GKAP1: variants seen among roughly 807,000 people sequenced by gnomAD.
The protein encoded by GKAP1 is G kinase-anchoring protein 1.
Under a neutral mutation model 56.7 loss-of-function variants are expected in GKAP1, and 31 were observed. The ratio of observed to expected loss-of-function variants is 0.55; its 90% CI spans 0.41 to 0.74. GKAP1 has a LOEUF of 0.74. Ranked by LOEUF, GKAP1 falls within the 30% of genes least tolerant of loss-of-function variation. The probability of loss-of-function intolerance (pLI) is 0.00; values close to 1 mark genes in which losing one functional copy is unlikely to be tolerated. For missense variants in GKAP1, 364 were observed against 402.3 expected (o/e 0.90, Z 0.82); for synonymous variants, 151 against 138.6 (o/e 1.09, Z -0.63).
chr9:83,778,675 C>T (rs182840975), intron 7 of GKAP1, among the ~76,000 whole-genome samples: 67 of 151,994 alleles, frequency 4.4e-4, no homozygotes, highest in African/African-American at 1.6e-3. Context: ...TAAACCTACA[C>T]ATGTACCCCT....
intron 5 of GKAP1, among the ~76,000 whole-genome samples, chr9:83,786,476 G>C (rs558842742): frequency 6.6e-6 from 1 of 152,064 alleles, no homozygotes; most frequent in South Asian, 2.1e-4. Context: ...GGGAGGCGGG[G>C]GTTGTGGTGA....
At position 83,739,762 on chromosome 9, in the gene GKAP1, A is replaced by AG; in HGVS notation, c.1054-19_1054-18insC. ...CTGCCACCCTGTAAAAAAAAAAAAA[A>AG]ATAGGGAAAATTATTTACAACATAC... On this transcript the variant is annotated intron_variant, in intron 12 of 12. Transcript: ENST00000376371. 6.3e-7 allele frequency: 1 copy of AG among 1,584,262 alleles called. No homozygotes were observed. Among genetic ancestry groups the AG allele is most frequent in the Admixed American group, 1.7e-5 (1 of 58,780 alleles).
chr9:83,770,759 C>T (rs1014679077), intron 7 of GKAP1, among the ~76,000 whole-genome samples: 4 of 152,268 alleles, frequency 2.6e-5, no homozygotes, highest in African/African-American at 9.6e-5. Context: ...AGGGTTTCAC[C>T]ATGTTGGCCA....
chr9:83,813,912 G>A (rs1005592265), intron 2 of GKAP1, among the ~76,000 whole-genome samples: 2 of 152,106 alleles, frequency 1.3e-5, no homozygotes, highest in Non-Finnish European at 2.9e-5. Flanking sequence ...ATCAGCTAGG[G>A]AAACATGGCA....
At chr9:83,787,000 A>T (rs993805748) in intron 5 of GKAP1, among the ~76,000 whole-genome samples, 2 of 152,202 alleles carry the variant, frequency 1.3e-5, no homozygotes, top group Non-Finnish European at 2.9e-5. Flanking sequence ...TTCCGGTGTA[A>T]CCTGACAGTC....
In GKAP1 at chr9:83,774,701, C is replaced by CTTTTTT. The variant is rs1564199151; in HGVS notation, c.585+5680_585+5681insAAAAAA. On this transcript the variant is annotated intron_variant, in intron 7 of 12. Coordinates refer to ENST00000376371, the MANE Select transcript of GKAP1 (RefSeq NM_025211.4). ...AGAAACTATCAATAAACAGAAACCC[C>CTTTTTT]CTTTTTTTTTTTTTTTTTTTTTTTT... is the stretch of plus-strand genomic sequence containing the variant. 4.0e-5 allele frequency among the ~76,000 whole-genome samples: 4 copies of CTTTTTT among 100,942 alleles called. 1 individual carries two copies. The highest frequency in any genetic ancestry group is 2.7e-4 in the Admixed American group (2 of 7,440). The allele number at this position is 100,942 out of a possible 152,430, so 66.2% of individuals were successfully genotyped here. A position where few individuals can be genotyped will look rare whatever the true frequency, so the allele number is the denominator to read the frequency against.
chr9:83,748,072 T>C (rs944987936), intron 10 of GKAP1, among the ~76,000 whole-genome samples: 1 of 152,204 alleles, frequency 6.6e-6, no homozygotes, highest in African/African-American at 2.4e-5. Flanking sequence ...CAAAGTGTAC[T>C]GATCAAATAG....
intron 3 of GKAP1, among the ~76,000 whole-genome samples, chr9:83,805,464 A>T (rs1029293970): frequency 2.5e-5 from 3 of 120,426 alleles, no homozygotes; most frequent in African/African-American, 7.1e-5. Flanking sequence ...AATGATCAAT[A>T]AAAAAAATAA....
intron 2 of GKAP1, among the ~76,000 whole-genome samples, chr9:83,809,388 A>G (rs1481866464): frequency 6.6e-6 from 1 of 152,244 alleles, no homozygotes; most frequent in Non-Finnish European, 1.5e-5. Flanking sequence ...GCTCCTGCAC[A>G]TGCTGCTCTG....
chr9:83,755,327 A>G (rs915651931), intron 8 of GKAP1, among the ~76,000 whole-genome samples: 12 of 152,214 alleles, frequency 7.9e-5, no homozygotes, highest in Admixed American at 3.9e-4. Context: ...GAGCTATAAA[A>G]TAATATTTGC....
At chr9:83,754,733 G>C (rs1026756703) in intron 8 of GKAP1, among the ~76,000 whole-genome samples, 1 of 152,222 alleles carries the variant, frequency 6.6e-6, no homozygotes, top group Non-Finnish European at 1.5e-5. Flanking sequence ...GGAGGGCCTT[G>C]AAGGCCATAA....
chr9:83,775,612 A>T (rs1455386294), intron 7 of GKAP1, among the ~76,000 whole-genome samples: 1 of 151,996 alleles, frequency 6.6e-6, no homozygotes, highest in African/African-American at 2.4e-5. Context: ...ACAGTGGCTC[A>T]CTCCTGAAAT....
rs1943529410 is a variant in GKAP1, at chr9:83,759,243, A to G, written c.739-5884T>C. On this transcript the variant is annotated intron_variant, in intron 8 of 12. Coordinates refer to ENST00000376371, the MANE Select transcript of GKAP1 (RefSeq NM_025211.4). The stretch of plus-strand genomic sequence containing the variant: ...ATGTATATGAAGCCCTAAATAATGT[A>G]TTAAATTTCTATTTTTAATTTTTAT... 2.6e-5 allele frequency among the ~76,000 whole-genome samples: 4 copies of G among 152,146 alleles called. No individual in the cohort carries two copies. The South Asian group carries it at 8.3e-4, about 32-fold the overall frequency.
At chr9:83,757,288 A>G (rs1943493473) in intron 8 of GKAP1, among the ~76,000 whole-genome samples, 1 of 152,194 alleles carries the variant, frequency 6.6e-6, no homozygotes, top group Non-Finnish European at 1.5e-5. Context: ...GCTAGAAGAA[A>G]AATTGGAAGA....
chr9:83,759,272 T>C (rs368459315), intron 8 of GKAP1, among the ~76,000 whole-genome samples: 1 of 152,088 alleles, frequency 6.6e-6, no homozygotes, highest in Admixed American at 6.6e-5. Context: ...TTTTTATTTA[T>C]TTTTTTGAGA....
chr9:83,748,075 T>C (rs1356595423), intron 10 of GKAP1, among the ~76,000 whole-genome samples: 2 of 152,206 alleles, frequency 1.3e-5, no homozygotes, highest in African/African-American at 2.4e-5. Context: ...AGTGTACTGA[T>C]CAAATAGGTA....
chr9:83,800,359 CAG>C (rs1426247528), intron 3 of GKAP1, among the ~76,000 whole-genome samples: 1 of 130,800 alleles, frequency 7.6e-6, no homozygotes, highest in African/African-American at 2.9e-5. Flanking sequence ...TTTTTTTTGG[CAG>C]AGTCTCGCTC....
intron 9 of GKAP1, 178 bp from the exon 10 acceptor site, chr9:83,748,550 G>A: frequency 2.4e-6 from 1 of 420,378 alleles, no homozygotes; most frequent in Non-Finnish European, 4.2e-6. Flanking sequence ...TAAGTCCCTG[G>A]CACAATAATA....
intron 8 of GKAP1, among the ~76,000 whole-genome samples, chr9:83,767,487 T>C (rs1389803797): frequency 2.6e-5 from 4 of 151,128 alleles, no homozygotes; most frequent in African/African-American, 9.8e-5. Flanking sequence ...GCCTTCCGAG[T>C]AGCTGGGACT....
Sources: allele counts gnomAD v4.1 joint callset (sites outside exome capture counted in the v4.1 genomes callset), GRCh38; gene constraint gnomAD v4.1.1; transcripts MANE v1.5; gene names NCBI Gene and HGNC (gene_info 2026-07-23, HGNC 2026-07-21).